The following RNF212B variants were observed in gnomAD, a reference collection of about 807,000 sequenced individuals.
RNF212B encodes E3 ubiquitin-protein ligase RNF212B.
A neutral mutation model predicts 55.5 loss-of-function variants in RNF212B; 52 were observed. That is an observed-to-expected ratio of 0.94 (90% CI 0.75 to 1.18). The LOEUF is 1.18. Ranked by LOEUF, RNF212B falls within the 50% of genes most tolerant of loss-of-function variation. The probability of loss-of-function intolerance (pLI) is 0.00; values close to 1 mark genes in which losing one functional copy is unlikely to be tolerated. For synonymous variants in RNF212B, 99 were observed against 121.4 expected, an observed-to-expected ratio of 0.82 and a Z score of 1.21; for missense variants, 289 against 350.4, an observed-to-expected ratio of 0.82 and a Z score of 1.40.
chr14:23,229,995 CT>C, intron 2 of RNF212B: 1 of 208,298 alleles, frequency 4.8e-6, no homozygotes, highest in Non-Finnish European at 1.0e-5. Flanking sequence ...CCAATGTCTC[CT>C]TTTAAAGTTG....
intron 4 of RNF212B, among the ~76,000 whole-genome samples, chr14:23,251,686 G>A (rs1195562047): frequency 6.6e-6 from 1 of 151,948 alleles, no homozygotes; most frequent in Admixed American, 6.6e-5. Flanking sequence ...TGTGGTGGCG[G>A]GCGCCTGTAA....
chr14:23,223,610 C>G (rs1358954430), intron 2 of RNF212B, among the ~76,000 whole-genome samples: 1 of 152,334 alleles, frequency 6.6e-6, no homozygotes, highest in African/African-American at 2.4e-5. Context: ...CCGCCTCAGC[C>G]TCCCAAAGTG....
chr14:23,200,384 G>T (rs6573034), intron 2 of RNF212B, among the ~76,000 whole-genome samples: 2 of 151,918 alleles, frequency 1.3e-5, no homozygotes, highest in South Asian at 2.1e-4. Flanking sequence ...AGAGTGCAAT[G>T]GCATGATCTT....
intron 4 of RNF212B, among the ~76,000 whole-genome samples, chr14:23,244,930 G>A (rs1385012638): frequency 6.6e-6 from 1 of 152,012 alleles, no homozygotes; most frequent in Admixed American, 6.6e-5. Flanking sequence ...GTCATATGTT[G>A]GCATACAATT....
intron 2 of RNF212B, among the ~76,000 whole-genome samples, chr14:23,207,434 C>A (rs1317463029): frequency 1.3e-5 from 2 of 152,146 alleles, no homozygotes; most frequent in Non-Finnish European, 2.9e-5. Flanking sequence ...GGAAAACTTG[C>A]CTTCCTGTTG....
At chr14:23,221,077 A>T (rs2140405628) in intron 2 of RNF212B, among the ~76,000 whole-genome samples, 1 of 152,060 alleles carries the variant, frequency 6.6e-6, no homozygotes, top group Non-Finnish European at 1.5e-5. Flanking sequence ...AGACACAATG[A>T]TCTGTCACCT....
At chr14:23,248,371 A>G (rs1191481574) in intron 4 of RNF212B, among the ~76,000 whole-genome samples, 1 of 147,776 alleles carries the variant, frequency 6.8e-6, no homozygotes, top group Non-Finnish European at 1.5e-5. Context: ...GGCTCACGCA[A>G]TCTGCCCGCC....
intron 2 of RNF212B, among the ~76,000 whole-genome samples, chr14:23,195,954 A>G (rs1427299409): frequency 6.6e-6 from 1 of 152,138 alleles, no homozygotes; most frequent in East Asian, 1.9e-4. Context: ...ACCTCACTGC[A>G]TTTGCTCTTT....
At chr14:23,208,966 G>C (rs543239111) in intron 2 of RNF212B, among the ~76,000 whole-genome samples, 1 of 151,308 alleles carries the variant, frequency 6.6e-6, no homozygotes, top group Non-Finnish European at 1.5e-5. Context: ...CATCGTGTTA[G>C]CCGGGATGGT....
At chr14:23,263,980 TG>T (rs1885494540) in intron 9 of RNF212B, among the ~76,000 whole-genome samples, 193 bp from the exon 10 acceptor site, 1 of 152,050 alleles carries the variant, frequency 6.6e-6, no homozygotes, top group African/African-American at 2.4e-5. Context: ...CCTAGCTACT[TG>T]GGAGGCTGAG....
At chr14:23,214,224 C>G (rs1194617796) in intron 2 of RNF212B, among the ~76,000 whole-genome samples, 1 of 152,050 alleles carries the variant, frequency 6.6e-6, no homozygotes, top group Admixed American at 6.6e-5. Context: ...CTGGGCATGG[C>G]GGCTCAAGCC....
intron 2 of RNF212B, among the ~76,000 whole-genome samples, chr14:23,240,938 A>G (rs569747379): frequency 1.3e-5 from 2 of 152,356 alleles, no homozygotes; most frequent in East Asian, 3.9e-4. Flanking sequence ...AATTATTAGT[A>G]GAATCATTTT....
At chr14:23,200,253 A>T (rs1051771602) in intron 2 of RNF212B, among the ~76,000 whole-genome samples, 4 of 152,134 alleles carry the variant, frequency 2.6e-5, no homozygotes, top group Non-Finnish European at 5.9e-5. Context: ...GGAATCTCAG[A>T]TAAGATTTTA....
chr14:23,214,901 A>G (rs903705247), intron 2 of RNF212B, among the ~76,000 whole-genome samples: 6 of 152,230 alleles, frequency 3.9e-5, no homozygotes, highest in African/African-American at 7.2e-5. Flanking sequence ...AATAAACCCA[A>G]ATAAATCCAT....
chr14:23,205,269 T>C (rs1287915372), intron 2 of RNF212B, among the ~76,000 whole-genome samples: 3 of 151,708 alleles, frequency 2.0e-5, no homozygotes, highest in African/African-American at 7.3e-5. Context: ...TAAATGAGCT[T>C]GGAATTAGAC....
At chr14:23,203,986 G>A (rs576845552) in intron 2 of RNF212B, among the ~76,000 whole-genome samples, 1 of 152,288 alleles carries the variant, frequency 6.6e-6, no homozygotes, top group South Asian at 2.1e-4. Flanking sequence ...CACTAGTGAT[G>A]CTGAGCATAC....
chr14:23,242,228 A>G (rs1883656116), intron 2 of RNF212B, among the ~76,000 whole-genome samples: 1 of 151,040 alleles, frequency 6.6e-6, no homozygotes, highest in South Asian at 2.1e-4. Flanking sequence ...TCGCTAATGT[A>G]AAAAGCTGTT....
intron 2 of RNF212B, among the ~76,000 whole-genome samples, chr14:23,216,532 C>T (rs1393569777): frequency 2.6e-5 from 4 of 151,000 alleles, no homozygotes; most frequent in Admixed American, 6.6e-5. Flanking sequence ...CAAACATGAC[C>T]GAGCACAATT....
At chr14:23,268,859 A>G (rs1218290020) in intron 11 of RNF212B, 65 bp from the exon 12 acceptor site, 10 of 1,365,232 alleles carry the variant, frequency 7.3e-6, no homozygotes, top group Middle Eastern at 3.5e-4. Context: ...CCCTGGCCCC[A>G]AGTATACCTG....
Sources: allele counts gnomAD v4.1 joint callset (sites outside exome capture counted in the v4.1 genomes callset), GRCh38; gene constraint gnomAD v4.1.1; transcripts MANE v1.5; gene names NCBI Gene and HGNC (gene_info 2026-07-23, HGNC 2026-07-21).